The following ADGRL2 variants were observed in gnomAD, a reference collection of about 807,000 sequenced individuals.
The protein encoded by ADGRL2 is adhesion G protein-coupled receptor L2, also known as calcium-independent alpha-latrotoxin receptor 2.
A neutral mutation model predicts 157.4 loss-of-function variants in ADGRL2; 44 were observed. That is an observed-to-expected ratio of 0.28 (90% CI 0.22 to 0.36). ADGRL2 has a LOEUF of 0.36. ADGRL2 is among the 10% of genes least tolerant of loss of function. ADGRL2 has a pLI of 1.00. For synonymous variants in ADGRL2, 585 were observed against 624.7 expected (o/e 0.94, Z 0.95); for missense variants, 1,510 against 1,768.9 (o/e 0.85, Z 2.63).
chr1:81,384,096 GT>G (rs1466065628), intron 1 of ADGRL2, among the ~76,000 whole-genome samples: 3 of 152,118 alleles, frequency 2.0e-5, no homozygotes, highest in Non-Finnish European at 4.4e-5. Flanking sequence ...ATGCTTTTCT[GT>G]AGATGTGCAA....
intron 2 of ADGRL2, among the ~76,000 whole-genome samples, chr1:81,556,058 A>T (rs1176554261): frequency 6.6e-6 from 1 of 151,996 alleles, no homozygotes. Flanking sequence ...GTCAGCATCA[A>T]CCTAAGGATC....
At chr1:81,755,150 A>T (rs1055169046) in intron 1 of ADGRL2, among the ~76,000 whole-genome samples, 1 of 145,170 alleles carries the variant, frequency 6.9e-6, no homozygotes, top group African/African-American at 2.5e-5. Flanking sequence ...ATATGTGTTT[A>T]TATATATATA....
intron 1 of ADGRL2, among the ~76,000 whole-genome samples, chr1:81,407,029 G>A (rs866748393): frequency 5.9e-5 from 9 of 152,026 alleles, no homozygotes; most frequent in South Asian, 2.1e-4. Context: ...CTTATTCCTC[G>A]TCTGGTGTCT....
At chr1:81,544,099 A>G (rs921560840) in intron 2 of ADGRL2, among the ~76,000 whole-genome samples, 2 of 152,192 alleles carry the variant, frequency 1.3e-5, no homozygotes, top group Non-Finnish European at 2.9e-5. Flanking sequence ...GGCAACCCTG[A>G]TTCCCTTTAT....
At chr1:81,450,076 T>A (rs1407759115) in intron 2 of ADGRL2, among the ~76,000 whole-genome samples, 1 of 152,192 alleles carries the variant, frequency 6.6e-6, no homozygotes, top group African/African-American at 2.4e-5. Context: ...TTTCTAACCA[T>A]GCTCAAAGTG....
chr1:81,666,599 G>A (rs1300697835), intron 3 of ADGRL2, among the ~76,000 whole-genome samples: 1 of 152,098 alleles, frequency 6.6e-6, no homozygotes, highest in East Asian at 1.9e-4. Flanking sequence ...CTCTCTAAGG[G>A]GGCCTGATGT....
Position 81,645,684 on chromosome 1 carries a change from G to A in ADGRL2, c.-143+64704G>A. Reference sequence around the variant, plus strand: ...CTTTCCATGACAATGTATATTGATTGTCCTTATTCTCTACAATTGCTACCT... The same window carrying A: ...CTTTCCATGACAATGTATATTGATTATCCTTATTCTCTACAATTGCTACCT... On this transcript the variant is annotated intron_variant, in intron 3 of 24. Transcript: ENST00000370721. Among the ~76,000 whole-genome samples the A allele has an allele frequency of 1.3e-5, 2 of 151,998 alleles. 1 individual carries two copies. Among genetic ancestry groups the A allele is most frequent in the Non-Finnish European group, 2.9e-5 (2 of 68,004 alleles).
At chr1:81,640,240 A>G (rs1439495723) in intron 3 of ADGRL2, among the ~76,000 whole-genome samples, 34 of 152,166 alleles carry the variant, frequency 2.2e-4, no homozygotes, top group Non-Finnish European at 1.5e-5. Flanking sequence ...TGGCAAAATG[A>G]TGGTAATTGA....
intron 1 of ADGRL2, among the ~76,000 whole-genome samples, chr1:81,336,515 T>C (rs940665177): frequency 1.3e-5 from 2 of 152,168 alleles, no homozygotes; most frequent in African/African-American, 4.8e-5. Context: ...ACTTGTAATA[T>C]TCTTGTGCTG....
chr1:81,950,195 C>T lies in ADGRL2; in HGVS notation c.1217C>T (p.Thr406Ile). 6.2e-7 allele frequency: 1 copy of T among 1,613,544 alleles called. No homozygotes were observed. The highest frequency in any genetic ancestry group is 1.1e-5 in the South Asian group (1 of 91,056). Residue 406 changes from threonine (T) to isoleucine (I), a missense_variant, in exon 7 of 24, where the codon ACC (threonine) becomes ATC (isoleucine). Physicochemically the swap from Thr to Ile is moderately conservative, Grantham distance 89. This residue lies in a region of ADGRL2 where 325 missense variants were observed against 333.2 expected (regional missense o/e 0.98). Transcript: ENST00000686636. ...ACTCATCTTTTTTCCATAGTGCCTA[C>T]CACAGCTGTGACAATAACTTCTTCA... ...FGPPDPAQVPTTAVTITSSAE... is the reference protein window; with the variant it reads ...FGPPDPAQVPITAVTITSSAE...
chr1:81,411,602 T>C (rs937908455), intron 1 of ADGRL2, among the ~76,000 whole-genome samples: 2 of 152,102 alleles, frequency 1.3e-5, no homozygotes, highest in African/African-American at 2.4e-5. Context: ...TTTTAAAGTT[T>C]TAAGAAAGGG....
At chr1:81,768,816 C>T (rs1158782346) in intron 2 of ADGRL2, among the ~76,000 whole-genome samples, 1 of 152,148 alleles carries the variant, frequency 6.6e-6, no homozygotes, top group Admixed American at 6.5e-5. Flanking sequence ...CGATGTAGCT[C>T]ATGCCTGTAA....
intron 2 of ADGRL2, among the ~76,000 whole-genome samples, chr1:81,465,602 A>G (rs910534753): frequency 1.3e-5 from 2 of 151,842 alleles, no homozygotes; most frequent in African/African-American, 2.4e-5. Flanking sequence ...AAAATGAAAA[A>G]TTTTTCTAGA....
chr1:81,549,717 A>G (rs965751432), intron 2 of ADGRL2, among the ~76,000 whole-genome samples: 1 of 152,206 alleles, frequency 6.6e-6, no homozygotes, highest in Non-Finnish European at 1.5e-5. Context: ...AGAAATTCAC[A>G]CAACCTGTAG....
chr1:81,718,270 G>A (rs546881410), intron 1 of ADGRL2, among the ~76,000 whole-genome samples: 26 of 152,080 alleles, frequency 1.7e-4, no homozygotes, highest in South Asian at 2.1e-4. Flanking sequence ...TGCCTGCCTC[G>A]GCCTCCCAAA....
At chr1:81,608,141 A>T (rs763203042) in intron 3 of ADGRL2, among the ~76,000 whole-genome samples, 3 of 152,136 alleles carry the variant, frequency 2.0e-5, no homozygotes, top group Non-Finnish European at 2.9e-5. Flanking sequence ...TGGCACGTTC[A>T]TATCTGATTT....
chr1:81,442,748 A>G (rs1418489733), intron 1 of ADGRL2, among the ~76,000 whole-genome samples: 1 of 152,214 alleles, frequency 6.6e-6, no homozygotes, highest in East Asian at 1.9e-4. Context: ...GGACCTATCC[A>G]TGAGCCCTCA....
intron 3 of ADGRL2, among the ~76,000 whole-genome samples, chr1:81,595,756 G>A (rs12078562): frequency 0.36 from 54,416 of 152,094 alleles, 10,116 homozygotes; most frequent in Non-Finnish European, 0.4. Flanking sequence ...AGCTCTTTGG[G>A]CTATTAAATA....
intron 1 of ADGRL2, among the ~76,000 whole-genome samples, chr1:81,395,447 A>C (rs2076638240): frequency 6.6e-6 from 1 of 152,106 alleles, no homozygotes; most frequent in African/African-American, 2.4e-5. Context: ...GGTTAGTAAT[A>C]GTTTGTCAGA....
Sources: allele counts gnomAD v4.1 joint callset (sites outside exome capture counted in the v4.1 genomes callset), GRCh38; gene constraint gnomAD v4.1.1; regional missense constraint gnomAD v4.1.1; transcripts MANE v1.5; gene names NCBI Gene and HGNC (gene_info 2026-07-23, HGNC 2026-07-21).